VIT: variants seen among roughly 807,000 people sequenced by gnomAD.
VIT encodes vitrin.
VIT carries 99 observed loss-of-function variants against 78.0 expected under a neutral mutation model. The observed-to-expected ratio is 1.27, with a 90% CI of 1.08 to 1.50. The LOEUF (loss-of-function observed/expected upper bound fraction) is 1.50, where lower values mean the gene tolerates loss of function less well. Ranked by LOEUF, VIT falls within the 40% of genes most tolerant of loss-of-function variation. The pLI, the probability that VIT is intolerant of heterozygous loss-of-function variation, is 0.00. For missense variants in VIT, 1,126 were observed against 875.3 expected (o/e 1.29, Z -3.61); for synonymous variants, 374 against 334.3 (o/e 1.12, Z -1.29).
intron 12 of VIT, 78 bp from the exon 13 acceptor site, chr2:36,801,223 G>T: frequency 7.7e-7 from 1 of 1,304,742 alleles, no homozygotes; most frequent in South Asian, 1.2e-5. Flanking sequence ...GTATATAAAA[G>T]AATCAACCAT....
chr2:36,766,009 A>T (rs1414249759), intron 6 of VIT, among the ~76,000 whole-genome samples: 1 of 152,196 alleles, frequency 6.6e-6, no homozygotes, highest in Non-Finnish European at 1.5e-5. Context: ...AGGACCGAGG[A>T]GCTGTTCACT....
At chr2:36,744,204 A>G (rs563901223) in intron 4 of VIT, among the ~76,000 whole-genome samples, 23 of 152,284 alleles carry the variant, frequency 1.5e-4, no homozygotes, top group African/African-American at 5.3e-4. Flanking sequence ...TATCTAATCC[A>G]TCACTGATAG....
rs970760611 is a variant in VIT, at chr2:36,701,122, C to T, written c.-19+4149C>T. ...AATTTCTTTAAAAAAAAAAATGTAC[C>T]TCCTTGCAGGTAGAGACACCGTAGT... On this transcript the variant is annotated intron_variant, in intron 1 of 15. Coordinates refer to ENST00000379242, the MANE Select transcript of VIT (RefSeq NM_053276.4). 4.7e-5 allele frequency among the ~76,000 whole-genome samples: 7 copies of T among 149,366 alleles called. No individual in the cohort carries two copies. The Admixed American group carries it at 4.7e-4, about 10-fold the overall frequency.
intron 1 of VIT, among the ~76,000 whole-genome samples, chr2:36,704,503 A>G (rs1193815623): frequency 6.6e-6 from 1 of 152,174 alleles, no homozygotes; most frequent in East Asian, 1.9e-4. Context: ...GCCCTGCAGG[A>G]GAGTCTGAGG....
At chr2:36,801,643 A>G (rs1259580027) in intron 13 of VIT, among the ~76,000 whole-genome samples, 1 of 152,136 alleles carries the variant, frequency 6.6e-6, no homozygotes, top group Non-Finnish European at 1.5e-5. Context: ...CCCTCTTTCT[A>G]CTAAAAATAC....
At chr2:36,707,061 G>A (rs539420697) in intron 1 of VIT, among the ~76,000 whole-genome samples, 62 of 152,252 alleles carry the variant, frequency 4.1e-4, no homozygotes, top group African/African-American at 1.4e-3. Context: ...AAAACTCTCT[G>A]CAGACTCTGG....
At chr2:36,719,192 C>T (rs979735698) in intron 2 of VIT, among the ~76,000 whole-genome samples, 14 of 152,168 alleles carry the variant, frequency 9.2e-5, no homozygotes, top group Non-Finnish European at 1.8e-4. Flanking sequence ...TATACCTCAA[C>T]ACAATAAAGG....
rs143582316 is a variant in VIT at position 36,707,130 on chromosome 2, C to T, written c.-18-9223C>T. Among the ~76,000 whole-genome samples, 28 of 152,232 alleles carry T rather than the reference C, an allele frequency of 1.8e-4. No homozygotes were observed. The East Asian group carries it at 2.5e-3, about 14-fold the overall frequency. ...AAAACCACTGTATGGACGGCCACTG[C>T]GAGTTAGGTAGCAGTTAGGAATAAT... On this transcript the variant is annotated intron_variant, in intron 1 of 15. Coordinates refer to ENST00000379242, the MANE Select transcript of VIT (RefSeq NM_053276.4).
intron 9 of VIT, among the ~76,000 whole-genome samples, chr2:36,776,793 T>G (rs1340805567): frequency 6.7e-6 from 1 of 148,996 alleles, no homozygotes; most frequent in Admixed American, 6.7e-5. Flanking sequence ...AGACTCCATC[T>G]CAAAAAAAAT....
intron 1 of VIT, among the ~76,000 whole-genome samples, chr2:36,700,760 AT>A: frequency 6.6e-6 from 1 of 152,044 alleles, no homozygotes; most frequent in Non-Finnish European, 1.5e-5. Flanking sequence ...AATAATAATA[AT>A]AACTGCTAAC....
At chr2:36,773,523 A>G (rs1403416429) in intron 7 of VIT, among the ~76,000 whole-genome samples, 1 of 152,110 alleles carries the variant, frequency 6.6e-6, no homozygotes, top group Non-Finnish European at 1.5e-5. Context: ...TGAGGTCAGG[A>G]GTTCAAGACC....
Position 36,801,383 on chromosome 2 carries a change from AGAG to A in VIT, c.1147_1149del (p.Gly383del). 6.2e-7 allele frequency: 1 copy of A among 1,613,594 alleles called. No individual in the cohort carries two copies. The highest frequency in any genetic ancestry group is 1.3e-5 in the African/African-American group (1 of 75,030). On this transcript the variant is annotated inframe_deletion, in exon 13 of 16. Coordinates refer to ENST00000379242, the MANE Select transcript of VIT (RefSeq NM_053276.4). ...GACAGCCATAGAGAAAATTACTCAG[AGAG>A]GAGGACTTTCTAATGTAGGTATGTG... is the stretch of plus-strand genomic sequence containing the variant.
chr2:36,762,443 C>T (rs1282479203), intron 6 of VIT, among the ~76,000 whole-genome samples: 1 of 152,126 alleles, frequency 6.6e-6, no homozygotes, highest in Non-Finnish European at 1.5e-5. Context: ...GCATCTCCTA[C>T]GTGCAAGACC....
At chr2:36,772,592 A>G (rs1473131494) in intron 7 of VIT, among the ~76,000 whole-genome samples, 1 of 152,132 alleles carries the variant, frequency 6.6e-6, no homozygotes, top group Non-Finnish European at 1.5e-5. Flanking sequence ...TTGTAGTCTC[A>G]GCTACTCAGG....
chr2:36,812,770 C>A (rs988585609), intron 15 of VIT, among the ~76,000 whole-genome samples: 1 of 152,102 alleles, frequency 6.6e-6, no homozygotes, highest in East Asian at 1.9e-4. Flanking sequence ...TCAGTCTCAA[C>A]TCACAGTAGT....
rs770212277 is a variant in VIT, at chr2:36,805,570, C to CGA, written c.1301_1302dup (p.Gly436GlnfsTer56). On this transcript the variant is annotated frameshift_variant, in exon 14 of 16. Coordinates refer to ENST00000379242, the MANE Select transcript of VIT (RefSeq NM_053276.4). LOFTEE classifies it high-confidence loss of function. Reference sequence around the variant, plus strand: ...AAAGTGGAGGAGGCTTCAAGACTTGCGAGAGAGTCAGGAATCAACATTTTC... The same window carrying CGA: ...AAAGTGGAGGAGGCTTCAAGACTTGCGAGAGAGAGTCAGGAATCAACATTTTC... 1.9e-6 allele frequency: 3 copies of CGA among 1,613,916 alleles called. No homozygotes were observed. The African/African-American group carries it at 4.0e-5, about 22-fold the overall frequency.
intron 7 of VIT, among the ~76,000 whole-genome samples, chr2:36,771,076 C>T (rs1397594738): frequency 6.6e-6 from 1 of 152,212 alleles, no homozygotes; most frequent in East Asian, 1.9e-4. Context: ...CCAGTGAAAG[C>T]TTATCTTCCT....
In VIT at chr2:36,814,260, G is replaced by T; in HGVS notation, c.1981G>T (p.Asp661Tyr). The T allele has an allele frequency of 6.2e-7, 1 of 1,614,218 alleles. No homozygotes were observed. Among genetic ancestry groups the T allele is most frequent in the Non-Finnish European group, 8.5e-7 (1 of 1,180,042 alleles). Residue 661 changes from aspartate to tyrosine, a missense_variant, in exon 16 of 16, where the codon GAC (aspartate) becomes TAC (tyrosine). Physicochemically the swap from Asp to Tyr is radical, Grantham distance 160. Transcript: ENST00000379242. ...AGTCATTGCCACTCACCCCGCCAGAGACCACTCCTTCTTTGTGGACGAGTT... is the reference window on the plus strand; with the variant it reads ...AGTCATTGCCACTCACCCCGCCAGATACCACTCCTTCTTTGTGGACGAGTT... ...LEVIATHPAR[D>Y]HSFFVDEFDN...
intron 1 of VIT, among the ~76,000 whole-genome samples, chr2:36,701,440 A>G (rs1300902475): frequency 1.3e-5 from 2 of 152,150 alleles, no homozygotes; most frequent in Non-Finnish European, 2.9e-5. Flanking sequence ...TCAGCAAATC[A>G]CTTTCCCTGA....
Sources: allele counts gnomAD v4.1 joint callset (sites outside exome capture counted in the v4.1 genomes callset), GRCh38; gene constraint gnomAD v4.1.1; transcripts MANE v1.5; gene names NCBI Gene and HGNC (gene_info 2026-07-23, HGNC 2026-07-21).